PDE1C: variants seen among roughly 807,000 people sequenced by gnomAD.
The protein encoded by PDE1C is dual specificity calcium/calmodulin-dependent 3',5'-cyclic nucleotide phosphodiesterase 1C.
PDE1C carries 62 observed loss-of-function variants against 93.1 expected under a neutral mutation model. The ratio of observed to expected loss-of-function variants is 0.67; its 90% confidence interval spans 0.54 to 0.82. The LOEUF (loss-of-function observed/expected upper bound fraction) is 0.82. PDE1C is among the 40% of genes least tolerant of loss of function. The pLI, the probability that PDE1C is intolerant of heterozygous loss-of-function variation, is 0.00. For missense variants in PDE1C, 742 were observed against 884.6 expected (o/e 0.84, Z 2.04); for synonymous variants, 325 against 310.1 (o/e 1.05, Z -0.50).
At chr7:31,808,766 G>A (rs1488837013) in intron 16 of PDE1C, among the ~76,000 whole-genome samples, 1 of 151,904 alleles carries the variant, frequency 6.6e-6, no homozygotes, top group African/African-American at 2.4e-5. Flanking sequence ...TTTTTATGAT[G>A]TTTAAGATGA....
chr7:31,983,624 T>A (rs201776404), intron 2 of PDE1C, among the ~76,000 whole-genome samples: 4 of 141,116 alleles, frequency 2.8e-5, no homozygotes, highest in Admixed American at 2.1e-4. Context: ...CTAAAAAAAA[T>A]AATAATTTTT....
At chr7:31,893,859 T>C (rs1047712002) in intron 2 of PDE1C, among the ~76,000 whole-genome samples, 5 of 152,144 alleles carry the variant, frequency 3.3e-5, no homozygotes, top group African/African-American at 1.2e-4. Context: ...TGCTTTGGAG[T>C]TTGTCCCTCA....
At chr7:31,996,051 C>T (rs1337181333) in intron 2 of PDE1C, among the ~76,000 whole-genome samples, 11 of 146,304 alleles carry the variant, frequency 7.5e-5, no homozygotes, top group Admixed American at 6.9e-5. Context: ...AACCATCTGT[C>T]TCTTTACGCT....
intron 2 of PDE1C, among the ~76,000 whole-genome samples, chr7:31,971,832 A>T (rs1243525835): frequency 6.6e-6 from 1 of 151,952 alleles, no homozygotes; most frequent in Non-Finnish European, 1.5e-5. Context: ...CCAACAGGAG[A>T]TCCCTCTCTC....
chr7:31,909,847 C>T (rs1203056988), intron 2 of PDE1C, among the ~76,000 whole-genome samples: 1 of 152,120 alleles, frequency 6.6e-6, no homozygotes, highest in East Asian at 1.9e-4. Context: ...GGCACTAAAG[C>T]AGGAGTTTCC....
At chr7:32,210,761 A>T (rs7796264) in intron 1 of PDE1C, among the ~76,000 whole-genome samples, 6 of 152,008 alleles carry the variant, frequency 3.9e-5, no homozygotes, top group African/African-American at 1.5e-4. Flanking sequence ...TTAATAAATT[A>T]CATCTTAGTA....
chr7:32,030,078 A>AACACACACACACACACAC (rs376919544), intron 2 of PDE1C, among the ~76,000 whole-genome samples: 1 of 134,004 alleles, frequency 7.5e-6, no homozygotes, highest in African/African-American at 2.8e-5. Flanking sequence ...TGCATATTAT[A>AACACACACACACACACAC]ACACACACAC....
At chr7:32,321,733 C>G (rs1026584894) in intron 1 of PDE1C, among the ~76,000 whole-genome samples, 2 of 152,206 alleles carry the variant, frequency 1.3e-5, no homozygotes, top group East Asian at 3.9e-4. Context: ...TCTATACTTA[C>G]CAACTGGCAT....
intron 2 of PDE1C, among the ~76,000 whole-genome samples, chr7:32,044,805 T>C (rs80214031): frequency 0.019 from 2,894 of 152,166 alleles, 104 homozygotes; most frequent in African/African-American, 0.066. Flanking sequence ...ATGGTAGTAA[T>C]TATCAGACAT....
chr7:32,083,708 A>T (rs564276595), intron 3 of PDE1C, among the ~76,000 whole-genome samples: 5 of 152,262 alleles, frequency 3.3e-5, no homozygotes, highest in African/African-American at 9.6e-5. Flanking sequence ...AACATTCTTA[A>T]AGAAAATAAT....
At chr7:32,006,490 T>A (rs1435511476) in intron 2 of PDE1C, among the ~76,000 whole-genome samples, 5 of 152,200 alleles carry the variant, frequency 3.3e-5, no homozygotes, top group Admixed American at 6.5e-5. Flanking sequence ...GGGTGTCAGA[T>A]CCTTCAGACA....
At chr7:32,427,267 G>A (rs1003465697) in intron 1 of PDE1C, among the ~76,000 whole-genome samples, 2 of 152,122 alleles carry the variant, frequency 1.3e-5, no homozygotes, top group Non-Finnish European at 2.9e-5. Context: ...TCATCCCTGT[G>A]TCACAGATGA....
chr7:32,367,477 T>A (rs192717160), intron 1 of PDE1C, among the ~76,000 whole-genome samples: 71 of 152,226 alleles, frequency 4.7e-4, no homozygotes, highest in African/African-American at 1.6e-3. Flanking sequence ...GCTGAATAGA[T>A]TAAAAAGAAG....
chr7:31,882,253 G>T (rs1332721115), intron 2 of PDE1C, among the ~76,000 whole-genome samples: 1 of 152,160 alleles, frequency 6.6e-6, no homozygotes, highest in Non-Finnish European at 1.5e-5. Context: ...ATCAGCAGAG[G>T]CCCCTGCAGG....
chr7:32,068,026 A>G (rs1795606861), intron 1 of PDE1C, among the ~76,000 whole-genome samples: 1 of 152,220 alleles, frequency 6.6e-6, no homozygotes. Flanking sequence ...TGAATAATCC[A>G]GGCGTGAGTT....
chr7:31,621,860 C>A, the PDE1C span, among the ~76,000 whole-genome samples: 1 of 151,724 alleles, frequency 6.6e-6, no homozygotes, highest in Non-Finnish European at 1.5e-5. Flanking sequence ...TTCAGGAAAC[C>A]CATCTCACAT....
At chr7:32,005,563 A>AT in intron 2 of PDE1C, among the ~76,000 whole-genome samples, 1 of 116,554 alleles carries the variant, frequency 8.6e-6, no homozygotes, top group Non-Finnish European at 1.9e-5. Flanking sequence ...TTCAAAAAAA[A>AT]AAAAAAAAAA....
chr7:32,229,568 A>C (rs1433693963), intron 1 of PDE1C, among the ~76,000 whole-genome samples: 1 of 152,218 alleles, frequency 6.6e-6, no homozygotes, highest in African/African-American at 2.4e-5. Context: ...GATAATTTCA[A>C]GCATGTTCAT....
At chr7:32,081,151 G>A (rs1481420688) in intron 3 of PDE1C, among the ~76,000 whole-genome samples, 1 of 152,210 alleles carries the variant, frequency 6.6e-6, no homozygotes, top group East Asian at 1.9e-4. Context: ...TGCTGCCTTA[G>A]CTAAATGTAA....
Sources: allele counts gnomAD v4.1 joint callset (sites outside exome capture counted in the v4.1 genomes callset), GRCh38; gene constraint gnomAD v4.1.1; transcripts MANE v1.5; gene names NCBI Gene and HGNC (gene_info 2026-07-23, HGNC 2026-07-21).